The following RANBP10 variants were observed in gnomAD, a reference collection of about 807,000 sequenced individuals.
The protein encoded by RANBP10 is ran-binding protein 10.
In RANBP10, 24 loss-of-function variants were observed where a neutral mutation model predicts 72.8. The observed-to-expected ratio is 0.33, with a 90% confidence interval of 0.24 to 0.46. RANBP10 has a LOEUF of 0.46. Among genes scored for constraint, RANBP10 ranks in the 20% least tolerant of loss-of-function variants. The pLI is 1.00. For missense variants in RANBP10, 679 were observed against 817.5 expected, an observed-to-expected ratio of 0.83 and a Z score of 2.07; for synonymous variants, 310 against 322.3, an observed-to-expected ratio of 0.96 and a Z score of 0.41.
intron 2 of RANBP10, among the ~76,000 whole-genome samples, chr16:67,794,441 TA>T (rs975670318): frequency 1.3e-5 from 2 of 148,504 alleles, no homozygotes; most frequent in Non-Finnish European, 3.0e-5. Context: ...CGTCTCAAAA[TA>T]AAAAACGAGC....
At chr16:67,750,761 CTTTTTTTTTT>C (rs914921755) in intron 3 of RANBP10, among the ~76,000 whole-genome samples, 8 of 110,254 alleles carry the variant, frequency 7.3e-5, no homozygotes, top group African/African-American at 1.1e-4. Flanking sequence ...TTTTCACTTT[CTTTTTTTTTT>C]TTTTTTTTTT....
At chr16:67,798,216 C>T (rs563866919) in intron 2 of RANBP10, among the ~76,000 whole-genome samples, 1 of 152,236 alleles carries the variant, frequency 6.6e-6, no homozygotes, top group South Asian at 2.1e-4. Context: ...AAATGGGGCA[C>T]AACCACGGCC....
intron 2 of RANBP10, among the ~76,000 whole-genome samples, chr16:67,794,199 G>A (rs1481788792): frequency 6.6e-6 from 1 of 152,028 alleles, no homozygotes; most frequent in Non-Finnish European, 1.5e-5. Context: ...GCACTTTGAG[G>A]GGCCGAGGCG....
At chr16:67,778,630 C>T (rs1271275494) in intron 2 of RANBP10, among the ~76,000 whole-genome samples, 2 of 152,062 alleles carry the variant, frequency 1.3e-5, no homozygotes, top group Non-Finnish European at 1.5e-5. Context: ...GCAGGAGGAT[C>T]GCTTGAGCCC....
chr16:67,729,396 G>T lies in RANBP10; in HGVS notation c.1236C>A (p.Ser412=). The T allele has an allele frequency of 6.2e-7, 1 of 1,613,782 alleles. No individual in the cohort carries two copies. Among genetic ancestry groups the T allele is most frequent in the Non-Finnish European group, 8.5e-7 (1 of 1,179,988 alleles). Residue 412 remains serine (S), a synonymous_variant, in exon 10 of 14, where the codon TCC becomes TCA. Coordinates refer to ENST00000317506, the MANE Select transcript of RANBP10 (RefSeq NM_020850.3). This position sits in a 1 kb window ranked among gnomAD's most constrained non-coding sequence, Gnocchi z 7.1. ...AGGACGAGGAGGAGGAGGAGGACGA[G>T]GATGAGGAGCTGGGTGCAGGGTATT... ...HSKYPAPSSS[S]SSSSSSSSSS...
At chr16:67,747,177 GTATTTAC>G (rs1458696663) in intron 3 of RANBP10, among the ~76,000 whole-genome samples, 1 of 152,014 alleles carries the variant, frequency 6.6e-6, no homozygotes, top group African/African-American at 2.4e-5. Context: ...ATCTTCTTCA[GTATTTAC>G]TATTCTCAGT....
At chr16:67,731,318 G>C (rs1381300916) in intron 7 of RANBP10, 154 bp downstream of exon 7, 2 of 617,376 alleles carry the variant, frequency 3.2e-6, no homozygotes, top group East Asian at 5.8e-5. Flanking sequence ...GTGCCATCTT[G>C]AAGGTGGGAC....
At chr16:67,747,130 C>G (rs960948465) in intron 3 of RANBP10, among the ~76,000 whole-genome samples, 1 of 152,160 alleles carries the variant, frequency 6.6e-6, no homozygotes, top group African/African-American at 2.4e-5. Flanking sequence ...AGTGGCTGTG[C>G]TATTTTGCAT....
intron 6 of RANBP10, among the ~76,000 whole-genome samples, chr16:67,732,205 A>G (rs1483234093): frequency 6.6e-6 from 1 of 152,204 alleles, no homozygotes; most frequent in African/African-American, 2.4e-5. Context: ...CAGGGGCCCA[A>G]GAAGCCAAGC....
intron 3 of RANBP10, among the ~76,000 whole-genome samples, chr16:67,756,722 A>C (rs1166066981): frequency 1.3e-5 from 2 of 152,048 alleles, no homozygotes; most frequent in Admixed American, 1.3e-4. Flanking sequence ...ACAAAAAACA[A>C]AACAAAAAAC....
chr16:67,784,885 A>G (rs2054883269), intron 2 of RANBP10, among the ~76,000 whole-genome samples: 1 of 151,892 alleles, frequency 6.6e-6, no homozygotes. Flanking sequence ...CCCTGGGCCA[A>G]AAATCTGGCA....
intron 2 of RANBP10, among the ~76,000 whole-genome samples, chr16:67,777,405 G>A (rs541176489): frequency 4.6e-5 from 7 of 151,948 alleles, no homozygotes; most frequent in Admixed American, 1.3e-4. Flanking sequence ...GCATGGTGGC[G>A]GGGGCCTGTA....
Position 67,744,287 on chromosome 16 carries a change from C to A in RANBP10, c.568+1G>T, listed in dbSNP as rs2054026135. The A allele has an allele frequency of 1.2e-6, 2 of 1,613,848 alleles. No individual in the cohort carries two copies. Among genetic ancestry groups the A allele is most frequent in the Non-Finnish European group, 1.7e-6 (2 of 1,179,798 alleles). ...GCCTCCAAGGTCCCTTATGCACACA[C>A]CAAGGCTGTGGCCATTCTTGGTGTA... On this transcript the variant is annotated splice_donor_variant, in intron 4 of 13. Coordinates refer to ENST00000317506, the MANE Select transcript of RANBP10 (RefSeq NM_020850.3). LOFTEE classifies it high-confidence loss of function.
At chr16:67,780,916 T>C (rs1163789704) in intron 2 of RANBP10, among the ~76,000 whole-genome samples, 5 of 152,238 alleles carry the variant, frequency 3.3e-5, no homozygotes, top group African/African-American at 7.2e-5. Context: ...AGCCCTGGCA[T>C]TGATGCCACG....
rs754044593 is a variant in RANBP10 at position 67,727,910 on chromosome 16, C to T, written c.1475-14G>A. On this transcript the variant is annotated splice_polypyrimidine_tract_variant and intron_variant, in intron 11 of 13. Transcript: ENST00000317506. ...GATGCCTGTCATCTGCATCCAGAAC[C>T]CAGTGGAGAACGTGTTAGGAGGGGT... is the stretch of plus-strand genomic sequence containing the variant. 1 of 1,613,600 alleles carries T rather than the reference C, an allele frequency of 6.2e-7. No homozygotes were observed. Among genetic ancestry groups the T allele is most frequent in the South Asian group, 1.1e-5 (1 of 91,088 alleles).
intron 1 of RANBP10, among the ~76,000 whole-genome samples, chr16:67,805,841 G>C (rs970622083): frequency 1.3e-5 from 2 of 152,192 alleles, no homozygotes; most frequent in African/African-American, 4.8e-5. Flanking sequence ...AGCCCACCTG[G>C]GAGGCCAGGG....
At chr16:67,776,103 C>A (rs1004604688) in intron 2 of RANBP10, among the ~76,000 whole-genome samples, 1 of 151,676 alleles carries the variant, frequency 6.6e-6, no homozygotes, top group Admixed American at 6.6e-5. Context: ...CGAGATCACA[C>A]CACTGCACTC....
chr16:67,804,124 G>A (rs2055287682), intron 2 of RANBP10, among the ~76,000 whole-genome samples: 1 of 152,120 alleles, frequency 6.6e-6, no homozygotes, highest in Non-Finnish European at 1.5e-5. Context: ...ACAGTCCCTA[G>A]GAGAAAGAAG....
intron 2 of RANBP10, among the ~76,000 whole-genome samples, chr16:67,772,781 C>T (rs1325370457): frequency 6.6e-6 from 1 of 152,138 alleles, no homozygotes; most frequent in Non-Finnish European, 1.5e-5. Flanking sequence ...TGTGGGGCTG[C>T]TCCCTGTGTC....
Sources: gnomAD v4.1 joint callset for allele counts (sites outside exome capture counted in the v4.1 genomes callset) on GRCh38, gnomAD v4.1.1 for gene constraint, Gnocchi (gnomAD v3.1) non-coding constraint, MANE v1.5 for transcripts, NCBI Gene and HGNC (gene_info 2026-07-23, HGNC 2026-07-21) for gene names.